Variants in MAGI2 observed in about 807,000 individuals in gnomAD.
MAGI2 encodes membrane-associated guanylate kinase, WW and PDZ domain-containing protein 2.
A neutral mutation model predicts 133.3 loss-of-function variants in MAGI2; 35 were observed. That is an observed-to-expected ratio of 0.26 (90% CI 0.20 to 0.35). The LOEUF (loss-of-function observed/expected upper bound fraction) is 0.35. MAGI2 is among the 10% of genes least tolerant of loss of function. MAGI2 has a pLI of 1.00. For synonymous variants in MAGI2, 729 were observed against 710.6 expected, an observed-to-expected ratio of 1.03 and a Z score of -0.41; for missense variants, 1,636 against 1,863.4, an observed-to-expected ratio of 0.88 and a Z score of 2.25.
chr7:78,559,169 C>T (rs941328652), intron 3 of MAGI2, among the ~76,000 whole-genome samples: 4 of 26,172 alleles, frequency 1.5e-4, no homozygotes, highest in African/African-American at 5.5e-4. Flanking sequence ...AAAAAAAAAG[C>T]CAAAAAGAAA....
chr7:79,330,459 T>C (rs1205064204), intron 1 of MAGI2, among the ~76,000 whole-genome samples: 1 of 152,008 alleles, frequency 6.6e-6, no homozygotes, highest in Non-Finnish European at 1.5e-5. Flanking sequence ...CCTCCGAAAA[T>C]GCTGGGATTA....
intron 1 of MAGI2, among the ~76,000 whole-genome samples, chr7:79,161,234 T>A (rs1824323148): frequency 6.6e-6 from 1 of 152,090 alleles, no homozygotes; most frequent in South Asian, 2.1e-4. Flanking sequence ...CAAGTAAATC[T>A]GCTCTTTTAG....
intron 2 of MAGI2, among the ~76,000 whole-genome samples, chr7:78,734,161 A>G (rs982859483): frequency 2.6e-5 from 4 of 152,218 alleles, no homozygotes; most frequent in African/African-American, 9.6e-5. Flanking sequence ...TGTTTGACAG[A>G]TTATGATTTT....
At chr7:78,472,698 G>A (rs1383309819) in intron 6 of MAGI2, among the ~76,000 whole-genome samples, 1 of 152,096 alleles carries the variant, frequency 6.6e-6, no homozygotes, top group Non-Finnish European at 1.5e-5. Context: ...TGTTGGGAGA[G>A]CACTCAAGCA....
At chr7:78,924,380 A>G (rs1372068682) in intron 2 of MAGI2, among the ~76,000 whole-genome samples, 1 of 152,094 alleles carries the variant, frequency 6.6e-6, no homozygotes, top group African/African-American at 2.4e-5. Context: ...TCAATACCTA[A>G]TTTATTGAGA....
chr7:78,386,689 C>A (rs1439011186), intron 6 of MAGI2, among the ~76,000 whole-genome samples: 6 of 152,126 alleles, frequency 3.9e-5, no homozygotes, highest in African/African-American at 1.4e-4. Context: ...AACAACTGGA[C>A]TGTGTGTATA....
intron 2 of MAGI2, chr7:78,901,408 T>A (rs1478040512): frequency 2.6e-5 from 4 of 152,172 alleles, no homozygotes; most frequent in African/African-American, 9.7e-5. Flanking sequence ...CCCTCCACGG[T>A]ACCGATGATA....
chr7:78,240,902 T>C (rs1394492903), intron 10 of MAGI2, among the ~76,000 whole-genome samples: 4 of 152,172 alleles, frequency 2.6e-5, no homozygotes, highest in African/African-American at 4.8e-5. Flanking sequence ...ACACATATAA[T>C]TTTATGTCAA....
chr7:79,213,233 TG>T (rs1829657451), intron 1 of MAGI2, among the ~76,000 whole-genome samples: 1 of 151,876 alleles, frequency 6.6e-6, no homozygotes, highest in Non-Finnish European at 1.5e-5. Context: ...TATGTGTGTG[TG>T]TGTGTATATA....
chr7:78,097,379 C>A (rs1178172793), intron 20 of MAGI2, among the ~76,000 whole-genome samples: 1 of 152,164 alleles, frequency 6.6e-6, no homozygotes, highest in Non-Finnish European at 1.5e-5. Context: ...GACATCGTAG[C>A]ACTATTTACA....
chr7:79,327,642 A>G (rs1372605490), intron 1 of MAGI2, among the ~76,000 whole-genome samples: 1 of 152,046 alleles, frequency 6.6e-6, no homozygotes, highest in Non-Finnish European at 1.5e-5. Context: ...TATGCTGCCT[A>G]AAGGAATACT....
At chr7:79,148,375 A>G (rs530462199) in intron 1 of MAGI2, among the ~76,000 whole-genome samples, 31 of 152,104 alleles carry the variant, frequency 2.0e-4, no homozygotes, top group Admixed American at 8.5e-4. Context: ...TCCCAGGCCC[A>G]CCTAAGTGTC....
chr7:78,922,553 T>C (rs1262805881), intron 2 of MAGI2, among the ~76,000 whole-genome samples: 2 of 152,032 alleles, frequency 1.3e-5, no homozygotes, highest in Non-Finnish European at 2.9e-5. Flanking sequence ...TAGTATTCCA[T>C]GGTGTATATG....
At chr7:79,411,933 T>A (rs1476105393) in intron 1 of MAGI2, 1 of 152,020 alleles carries the variant, frequency 6.6e-6, no homozygotes, top group African/African-American at 2.4e-5. Flanking sequence ...ATACTATATA[T>A]TCAATTTTTG....
intron 5 of MAGI2, among the ~76,000 whole-genome samples, chr7:78,497,800 C>T (rs1794262772): frequency 6.7e-6 from 1 of 148,584 alleles, no homozygotes; most frequent in Non-Finnish European, 1.5e-5. Flanking sequence ...GAATCATTCT[C>T]CTTTGTTTCA....
intron 1 of MAGI2, among the ~76,000 whole-genome samples, chr7:79,291,415 C>A (rs555482329): frequency 1.3e-5 from 2 of 152,058 alleles, no homozygotes; most frequent in Admixed American, 1.3e-4. Flanking sequence ...CTTTCAATTT[C>A]TTTTGTTATA....
chr7:79,337,602 G>A (rs7791778), intron 1 of MAGI2, among the ~76,000 whole-genome samples: 2,451 of 152,204 alleles, frequency 0.016, 56 homozygotes, highest in African/African-American at 0.058. Context: ...GAAAAGTGAT[G>A]ATTTTAATCC....
At chr7:79,435,797 T>G (rs930329991) in intron 1 of MAGI2, among the ~76,000 whole-genome samples, 1 of 152,090 alleles carries the variant, frequency 6.6e-6, no homozygotes, top group African/African-American at 2.4e-5. Context: ...AGAGCCTGAA[T>G]AGTCAAGAGC....
intron 2 of MAGI2, among the ~76,000 whole-genome samples, chr7:78,834,702 G>A (rs1206139570): frequency 1.3e-5 from 2 of 152,096 alleles, no homozygotes; most frequent in African/African-American, 2.4e-5. Context: ...TATAGTTTGG[G>A]TATTTGTCCC....
Sources: allele counts gnomAD v4.1 joint callset (sites outside exome capture counted in the v4.1 genomes callset), GRCh38; gene constraint gnomAD v4.1.1; transcripts MANE v1.5; gene names NCBI Gene and HGNC (gene_info 2026-07-23, HGNC 2026-07-21).